The following FOXJ2 variants were observed in gnomAD, a reference collection of about 807,000 sequenced individuals.
The protein encoded by FOXJ2 is forkhead box J2.
FOXJ2 carries 18 observed loss-of-function variants against 68.4 expected under a neutral mutation model. The observed-to-expected ratio is 0.26, with a 90% CI of 0.18 to 0.39. The LOEUF (loss-of-function observed/expected upper bound fraction) is 0.39, where lower values mean the gene tolerates loss of function less well. Among genes scored for constraint, FOXJ2 ranks in the 10% least tolerant of loss-of-function variants. The pLI is 1.00. For synonymous variants in FOXJ2, 274 were observed against 263.2 expected (o/e 1.04, Z -0.40); for missense variants, 670 against 726.5 (o/e 0.92, Z 0.89).
Position 8,055,487 on chromosome 12 carries a change from TAAAAA to T in FOXJ2, c.*2646_*2650del, listed in dbSNP as rs113361713. 2 of 138,582 alleles carry T rather than the reference TAAAAA, an allele frequency of 1.4e-5. No homozygotes were observed. Among genetic ancestry groups the T allele is most frequent in the Admixed American group, 1.4e-4 (2 of 13,896 alleles). The allele number at this position is 138,582 out of a possible 1,614,324, so 8.6% of individuals were successfully genotyped here. A position where few individuals can be genotyped will look rare whatever the true frequency, so the allele number is the denominator to read the frequency against. The stretch of plus-strand genomic sequence containing the variant: ...ATTGTTTTTTTGCATGCTTTCTTAA[TAAAAA>T]AAAAAAAAGAATGTTTACAGTTTTA... On this transcript the variant is annotated 3_prime_UTR_variant, in exon 11 of 11. Transcript: ENST00000162391.
intron 1 of FOXJ2, among the ~76,000 whole-genome samples, chr12:8,036,966 A>G (rs1284459426): frequency 6.6e-6 from 1 of 152,082 alleles, no homozygotes; most frequent in Non-Finnish European, 1.5e-5. Context: ...GCGTGTGCCT[A>G]TAATCCCAGC....
At chr12:8,041,809 C>G (rs1946969158) in intron 2 of FOXJ2, among the ~76,000 whole-genome samples, 1 of 152,074 alleles carries the variant, frequency 6.6e-6, no homozygotes, top group Non-Finnish European at 1.5e-5. Flanking sequence ...TGTGCCTGGC[C>G]CATTGAGCTT....
intron 9 of FOXJ2, chr12:8,049,787 C>A: frequency 2.1e-6 from 1 of 467,664 alleles, no homozygotes; most frequent in Non-Finnish European, 3.7e-6. Context: ...CTTTTTAGAC[C>A]TCAGTTTGGG....
chr12:8,045,970 T>G (rs113145058), intron 6 of FOXJ2, among the ~76,000 whole-genome samples: 1,895 of 152,358 alleles, frequency 0.012, 41 homozygotes, highest in African/African-American at 0.043. Context: ...ATATTTCTTA[T>G]TTTTAACACA....
chr12:8,052,656 C>A, intron 10 of FOXJ2, 106 bp from the exon 11 acceptor site: 2 of 920,886 alleles, frequency 2.2e-6, no homozygotes, highest in Non-Finnish European at 3.3e-6. Context: ...GATAGCCTCA[C>A]AAGGCCTTCT....
chr12:8,036,056 T>G (rs1946891305), intron 1 of FOXJ2, among the ~76,000 whole-genome samples: 1 of 152,202 alleles, frequency 6.6e-6, no homozygotes, highest in Admixed American at 6.5e-5. Context: ...TTCTCTTTTT[T>G]CCCCATTTAA....
intron 10 of FOXJ2, among the ~76,000 whole-genome samples, chr12:8,051,124 T>TCCCTTTCCCTTCCCC (rs1555166388): frequency 8.5e-6 from 1 of 117,482 alleles, no homozygotes; most frequent in African/African-American, 3.4e-5. Flanking sequence ...TCCCTTCCCT[T>TCCCTTTCCCTTCCCC]TCCCTTCCCC....
At chr12:8,044,608 A>G (rs963304568) in intron 5 of FOXJ2, 152 bp from the exon 6 acceptor site, 15 of 713,720 alleles carry the variant, frequency 2.1e-5, no homozygotes, top group Non-Finnish European at 3.3e-5. Flanking sequence ...CAAGATAAGA[A>G]CTAATGAGGA....
chr12:8,051,749 T>C (rs768574071), intron 10 of FOXJ2, among the ~76,000 whole-genome samples: 36 of 152,334 alleles, frequency 2.4e-4, no homozygotes, highest in African/African-American at 8.4e-4. Flanking sequence ...AAATCACTGT[T>C]ATTCTGCCTA....
At chr12:8,047,779 T>G in intron 6 of FOXJ2, 103 bp from the exon 7 acceptor site, 1 of 1,415,184 alleles carries the variant, frequency 7.1e-7, no homozygotes, top group Middle Eastern at 2.0e-4. Context: ...CCCTTTTAAC[T>G]CCACAGTTTT....
intron 2 of FOXJ2, among the ~76,000 whole-genome samples, chr12:8,041,937 G>A (rs1431448335): frequency 6.6e-6 from 1 of 151,716 alleles, no homozygotes; most frequent in Non-Finnish European, 1.5e-5. Context: ...GAGTGCAGTG[G>A]CATGATCTGG....
At position 8,048,733 on chromosome 12, in the gene FOXJ2, T is replaced by C; in HGVS notation, c.1262T>C (p.Leu421Ser). The C allele has an allele frequency of 6.2e-7, 1 of 1,614,126 alleles. No individual in the cohort carries two copies. Among genetic ancestry groups the C allele is most frequent in the Non-Finnish European group, 8.5e-7 (1 of 1,180,008 alleles). Residue 421 changes from leucine to serine, a missense_variant, in exon 8 of 11, where the codon TTA (leucine) becomes TCA (serine). Physicochemically the swap from Leu to Ser is moderately radical, Grantham distance 145. Around this residue, in one of 2 missense-constraint regions of FOXJ2, gnomAD observed 555 missense variants for 562.2 expected, o/e 0.99. Coordinates refer to ENST00000162391, the MANE Select transcript of FOXJ2 (RefSeq NM_018416.3). Reference protein sequence around the residue: ...PSDWCSNIDSLKESFKMVNRL... With the variant: ...PSDWCSNIDSSKESFKMVNRL... ...GACTGGTGCTCTAATATTGACTCTT[T>C]AAAGGAAAGCTTCAAGATGGTGAAT...
At chr12:8,042,549 C>G (rs1591577381) in intron 2 of FOXJ2, 109 bp from the exon 3 acceptor site, 1 of 872,684 alleles carries the variant, frequency 1.1e-6, no homozygotes, top group East Asian at 2.6e-5. Context: ...TACCCTGATA[C>G]TTCAACTGCA....
chr12:8,044,089 C>A lies in FOXJ2; in HGVS notation c.616C>A (p.Gln206Lys). 6.5e-7 allele frequency: 1 copy of A among 1,531,320 alleles called. No individual in the cohort carries two copies. The highest frequency in any genetic ancestry group is 8.8e-7 in the Non-Finnish European group (1 of 1,142,288). The allele number at this position is 1,531,320 out of a possible 1,614,324, so 94.9% of individuals were successfully genotyped here. ...QSPTSIASYS[Q>K]GTGSVDGGAV... ...CCCCACATCTATAGCCAGCTACAGC[C>A]AGGTAGGAAGCAGATATGGCAGGGG... The change falls in exon 5 of 11, where the codon CAG (glutamine) becomes AAG (lysine). Residue 206 changes from glutamine (Q) to lysine (K), a missense_variant and splice_region_variant. Physicochemically the swap from Gln to Lys is moderately conservative, Grantham distance 53. Around this residue, in one of 2 missense-constraint regions of FOXJ2, gnomAD observed 555 missense variants for 562.2 expected, o/e 0.99. Coordinates refer to ENST00000162391, the MANE Select transcript of FOXJ2 (RefSeq NM_018416.3).
rs1201337463 is a variant in FOXJ2 at position 8,048,031 on chromosome 12, C to T, written c.967C>T (p.Pro323Ser). The change falls in exon 7 of 11, where the codon CCT (proline) becomes TCT (serine). Residue 323 changes from proline (P) to serine (S), a missense_variant. By Grantham distance (74) the Pro-to-Ser change is moderately conservative. Around this residue, in one of 2 missense-constraint regions of FOXJ2, gnomAD observed 555 missense variants for 562.2 expected, o/e 0.99. Transcript: ENST00000162391. ...GTCCCAGCCACAGCAGCAGCAGGCACCTGCCCAGGGCCCCTCAGCTGTAGG... is the reference window on the plus strand; with the variant it reads ...GTCCCAGCCACAGCAGCAGCAGGCATCTGCCCAGGGCCCCTCAGCTGTAGG... The part of the protein sequence containing the change: ...QQSQPQQQQA[P>S]AQGPSAVGGA... 5.0e-6 allele frequency: 8 copies of T among 1,613,778 alleles called. No homozygotes were observed. The highest frequency in any genetic ancestry group is 2.2e-5 in the East Asian group (1 of 44,890).
intron 5 of FOXJ2, among the ~76,000 whole-genome samples, chr12:8,044,516 G>A (rs749996816): frequency 2.3e-4 from 35 of 152,154 alleles, no homozygotes; most frequent in Admixed American, 2.0e-3. Flanking sequence ...GAGCCTGGGC[G>A]ACAGAGCGAG....
At position 8,049,353 on chromosome 12, in the gene FOXJ2, T is replaced by A; in HGVS notation, c.1328-9T>A. On this transcript the variant is annotated splice_polypyrimidine_tract_variant and intron_variant, in intron 8 of 10. Transcript: ENST00000162391. ...GCAAGGTTTGCATTGCTTGCTTCCC[T>A]CTTTGTAGAACTGATGGAGAGTCTA... 2.5e-6 allele frequency: 4 copies of A among 1,599,980 alleles called. No homozygotes were observed. Among genetic ancestry groups the A allele is most frequent in the Non-Finnish European group, 3.4e-6 (4 of 1,169,558 alleles).
In FOXJ2 at chr12:8,048,764, C is replaced by T. The variant is rs755124322; in HGVS notation, c.1293C>T (p.Leu431=). 2 of 1,614,052 alleles carry T rather than the reference C, an allele frequency of 1.2e-6. No homozygotes were observed. Among genetic ancestry groups the T allele is most frequent in the East Asian group, 4.5e-5 (2 of 44,876 alleles). Residue 431 remains leucine, a synonymous_variant, in exon 8 of 11, where the codon CTC becomes CTT. Coordinates refer to ENST00000162391, the MANE Select transcript of FOXJ2 (RefSeq NM_018416.3). The stretch of plus-strand genomic sequence containing the variant: ...AAAGCTTCAAGATGGTGAATCGGCT[C>T]AATTGGTCCAGCATTGAGCAGTCAC... ...LKESFKMVNR[L]NWSSIEQSQF... is the part of the protein sequence containing the mutation.
rs758843223 is a variant in FOXJ2, at chr12:8,043,689, A to T, written c.409-12A>T. The T allele has an allele frequency of 1.2e-6, 2 of 1,614,126 alleles. No homozygotes were observed. The highest frequency in any genetic ancestry group is 4.5e-5 in the East Asian group (2 of 44,880). Reference sequence around the variant, plus strand: ...CAATTTTGTTTTCTGTGGGAATGGGATCTCCTTCCAGGGTTCCTATTGGAC... The same window carrying T: ...CAATTTTGTTTTCTGTGGGAATGGGTTCTCCTTCCAGGGTTCCTATTGGAC... On this transcript the variant is annotated splice_polypyrimidine_tract_variant and intron_variant, in intron 3 of 10. Transcript: ENST00000162391.
Sources: allele counts gnomAD v4.1 joint callset (sites outside exome capture counted in the v4.1 genomes callset), GRCh38; gene constraint gnomAD v4.1.1; regional missense constraint gnomAD v4.1.1; transcripts MANE v1.5; gene names NCBI Gene and HGNC (gene_info 2026-07-23, HGNC 2026-07-21).